CDCP1: variants seen among roughly 807,000 people sequenced by gnomAD.
The protein encoded by CDCP1 is CUB domain-containing protein 1.
In CDCP1, 29 loss-of-function variants were observed where a neutral mutation model predicts 60.2. The observed-to-expected ratio is 0.48, with a 90% CI of 0.36 to 0.66. The LOEUF is 0.66. Ranked by LOEUF, CDCP1 falls within the 30% of genes least tolerant of loss-of-function variation. The pLI, the probability that CDCP1 is intolerant of heterozygous loss-of-function variation, is 0.00. For synonymous variants in CDCP1, 387 were observed against 431.1 expected (o/e 0.90, Z 1.27); for missense variants, 876 against 1,074.3 (o/e 0.82, Z 2.58).
At chr3:45,095,633 A>G in intron 4 of CDCP1, 65 bp from the exon 5 acceptor site, 1 of 1,408,520 alleles carries the variant, frequency 7.1e-7, no homozygotes, top group Non-Finnish European at 1.0e-6. Flanking sequence ...AATGGCAAAA[A>G]TTGGTAGAAA....
intron 4 of CDCP1, 175 bp downstream of exon 4, chr3:45,110,298 A>G (rs1698664360): frequency 7.0e-7 from 1 of 1,437,874 alleles, no homozygotes; most frequent in African/African-American, 1.4e-5. Context: ...GTGTTCACCA[A>G]CAAGCCTGTC....
chr3:45,117,506 G>A (rs1256435264), intron 2 of CDCP1, among the ~76,000 whole-genome samples: 1 of 152,150 alleles, frequency 6.6e-6, no homozygotes, highest in East Asian at 1.9e-4. Flanking sequence ...CCTGGAGCTT[G>A]AAGCCAAACC....
At chr3:45,112,712 C>A (rs918997548) in intron 2 of CDCP1, among the ~76,000 whole-genome samples, 3 of 152,222 alleles carry the variant, frequency 2.0e-5, no homozygotes, top group African/African-American at 7.2e-5. Context: ...TCATGCCCAT[C>A]CCAAGGGAGA....
chr3:45,141,739 G>A (rs1018203435), intron 1 of CDCP1, among the ~76,000 whole-genome samples: 1 of 152,292 alleles, frequency 6.6e-6, no homozygotes, highest in African/African-American at 2.4e-5. Context: ...CCAGCTGCCC[G>A]GGAGATGAAA....
At chr3:45,116,990 C>G (rs966731300) in intron 2 of CDCP1, among the ~76,000 whole-genome samples, 1 of 151,974 alleles carries the variant, frequency 6.6e-6, no homozygotes, top group East Asian at 1.9e-4. Context: ...TATTTTCTTT[C>G]TTTTTTCCAT....
chr3:45,146,061 G>A (rs986698559), intron 1 of CDCP1, 145 bp downstream of exon 1: 8 of 696,946 alleles, frequency 1.1e-5, no homozygotes, highest in Non-Finnish European at 1.8e-5. Flanking sequence ...AGCCACCCGC[G>A]CATTTTGACT....
chr3:45,090,600 AAGAG>A (rs1431866680), intron 7 of CDCP1, among the ~76,000 whole-genome samples: 1 of 152,206 alleles, frequency 6.6e-6, no homozygotes, highest in South Asian at 2.1e-4. Context: ...CCCTACGTAA[AAGAG>A]AGATGAATGG....
At chr3:45,122,706 G>T (rs1442839795) in intron 1 of CDCP1, among the ~76,000 whole-genome samples, 1 of 150,010 alleles carries the variant, frequency 6.7e-6, no homozygotes, top group African/African-American at 2.5e-5. Context: ...TGCCCACCTC[G>T]GCCTCCCAAA....
chr3:45,102,331 A>G (rs1698495513), intron 4 of CDCP1, among the ~76,000 whole-genome samples: 1 of 152,046 alleles, frequency 6.6e-6, no homozygotes, highest in South Asian at 2.1e-4. Context: ...CGGCCTCCCA[A>G]AGTGCTGGGA....
intron 1 of CDCP1, among the ~76,000 whole-genome samples, chr3:45,125,155 G>C (rs1698956700): frequency 6.6e-6 from 1 of 152,198 alleles, no homozygotes. Context: ...CAGATGGAAG[G>C]AATAGCAGGT....
intron 1 of CDCP1, among the ~76,000 whole-genome samples, chr3:45,127,278 G>T (rs374307148): frequency 1.3e-5 from 2 of 152,154 alleles, no homozygotes; most frequent in Non-Finnish European, 2.9e-5. Flanking sequence ...CTTTTGTATT[G>T]TTCTTTTTTG....
At chr3:45,110,150 G>A (rs1216728051) in intron 4 of CDCP1, 8 of 1,114,350 alleles carry the variant, frequency 7.2e-6, no homozygotes, top group East Asian at 5.6e-5. Flanking sequence ...CTGATGGTGC[G>A]GGTGACATCC....
At chr3:45,122,728 A>G (rs1008134424) in intron 1 of CDCP1, among the ~76,000 whole-genome samples, 3 of 152,244 alleles carry the variant, frequency 2.0e-5, no homozygotes, top group African/African-American at 7.2e-5. Context: ...TGCTGGGATT[A>G]CAGGTGTGAG....
At chr3:45,093,781 C>T (rs1247425029) in intron 5 of CDCP1, 124 bp from the exon 6 acceptor site, 2 of 1,098,426 alleles carry the variant, frequency 1.8e-6, no homozygotes, top group Non-Finnish European at 2.6e-6. Context: ...GGTCTCTCTT[C>T]TCCCACCCTG....
chr3:45,141,012 C>A (rs1015180236), intron 1 of CDCP1, among the ~76,000 whole-genome samples: 2 of 152,122 alleles, frequency 1.3e-5, no homozygotes, highest in Non-Finnish European at 2.9e-5. Context: ...GCCAGCCTGG[C>A]CAACATGGTG....
intron 4 of CDCP1, among the ~76,000 whole-genome samples, chr3:45,106,529 G>A (rs1458976827): frequency 1.3e-5 from 2 of 152,216 alleles, no homozygotes; most frequent in African/African-American, 4.8e-5. Flanking sequence ...CCTGAGATTG[G>A]TGCAACACGG....
chr3:45,134,345 C>T (rs770896335), intron 1 of CDCP1, among the ~76,000 whole-genome samples: 2 of 152,180 alleles, frequency 1.3e-5, no homozygotes, highest in Non-Finnish European at 2.9e-5. Context: ...AGGATGGTCT[C>T]GATCTCCTGA....
intron 4 of CDCP1, among the ~76,000 whole-genome samples, chr3:45,101,353 C>T (rs567918584): frequency 9.2e-5 from 14 of 152,286 alleles, no homozygotes; most frequent in African/African-American, 2.6e-4. Context: ...GCAATGAAGT[C>T]GACATCTTCC....
chr3:45,116,750 T>A (rs1698797463), intron 2 of CDCP1, among the ~76,000 whole-genome samples: 1 of 152,130 alleles, frequency 6.6e-6, no homozygotes, highest in African/African-American at 2.4e-5. Flanking sequence ...CAAACTGTTC[T>A]CCCCTGTCTC....
Sources: gnomAD v4.1 joint callset for allele counts (sites outside exome capture counted in the v4.1 genomes callset) on GRCh38, gnomAD v4.1.1 for gene constraint, MANE v1.5 for transcripts, NCBI Gene and HGNC (gene_info 2026-07-23, HGNC 2026-07-21) for gene names.